The following CDH20 variants were observed in gnomAD, a reference collection of about 807,000 sequenced individuals.
CDH20 encodes cadherin-20.
Under a neutral mutation model 74.2 loss-of-function variants are expected in CDH20, and 29 were observed. The observed-to-expected ratio is 0.39, with a 90% CI of 0.29 to 0.53. The LOEUF (loss-of-function observed/expected upper bound fraction) is 0.53, where lower values mean the gene tolerates loss of function less well. Ranked by LOEUF, CDH20 falls within the 20% of genes least tolerant of loss-of-function variation. CDH20 has a pLI of 0.69. For missense variants in CDH20, 988 were observed against 1,048.3 expected (o/e 0.94, Z 0.79); for synonymous variants, 469 against 405.4 (o/e 1.16, Z -1.88).
intron 7 of CDH20, among the ~76,000 whole-genome samples, chr18:61,533,306 T>C (rs1912712831): frequency 6.6e-6 from 1 of 152,022 alleles, no homozygotes; most frequent in Non-Finnish European, 1.5e-5. Context: ...AGAGAACCCA[T>C]TTCTAAAGAA....
At chr18:61,361,767 T>C (rs1023723067) in intron 1 of CDH20, among the ~76,000 whole-genome samples, 5 of 152,194 alleles carry the variant, frequency 3.3e-5, no homozygotes, top group African/African-American at 1.2e-4. Context: ...ATTTTGTTTT[T>C]CTAGCAAGTC....
intron 1 of CDH20, among the ~76,000 whole-genome samples, chr18:61,461,352 G>T (rs888429853): frequency 2.1e-5 from 3 of 142,540 alleles, no homozygotes; most frequent in Non-Finnish European, 3.1e-5. Flanking sequence ...AAAAAAACCA[G>T]AAATTTATTT....
intron 1 of CDH20, among the ~76,000 whole-genome samples, chr18:61,447,632 T>A (rs1216070815): frequency 6.6e-6 from 1 of 152,206 alleles, no homozygotes; most frequent in African/African-American, 2.4e-5. Flanking sequence ...GATGCAGCAA[T>A]GAAAAGGGTG....
chr18:61,452,141 T>A (rs1186324650), intron 1 of CDH20, among the ~76,000 whole-genome samples: 1 of 152,174 alleles, frequency 6.6e-6, no homozygotes, highest in African/African-American at 2.4e-5. Context: ...TGATATCTCC[T>A]CCTTCCATTC....
intron 1 of CDH20, among the ~76,000 whole-genome samples, chr18:61,471,734 G>A (rs1041580676): frequency 1.3e-5 from 2 of 152,074 alleles, no homozygotes; most frequent in Non-Finnish European, 2.9e-5. Context: ...CCCGTTTGTC[G>A]GAGCATTTAT....
chr18:61,381,974 C>T (rs1210080131), intron 1 of CDH20, among the ~76,000 whole-genome samples: 1 of 152,158 alleles, frequency 6.6e-6, no homozygotes, highest in African/African-American at 2.4e-5. Flanking sequence ...ACTACCCCCC[C>T]CAGTATGGTC....
chr18:61,423,367 GTCTGAGGACTCATGCC>G (rs147380053), intron 1 of CDH20, among the ~76,000 whole-genome samples: 2,475 of 152,246 alleles, frequency 0.016, 41 homozygotes, highest in Non-Finnish European at 0.029. Context: ...CTCTAAGTGT[GTCTGAGGACTCATGCC>G]TTCTTGTAAA....
chr18:61,522,648 T>C (rs1164948746), intron 6 of CDH20, among the ~76,000 whole-genome samples: 3 of 152,206 alleles, frequency 2.0e-5, no homozygotes, highest in African/African-American at 7.2e-5. Flanking sequence ...GGCATCACAG[T>C]ACCTGACTTC....
intron 1 of CDH20, among the ~76,000 whole-genome samples, chr18:61,350,762 C>T (rs1910277764): frequency 6.6e-6 from 1 of 152,188 alleles, no homozygotes; most frequent in Non-Finnish European, 1.5e-5. Flanking sequence ...ATTTGGGCTG[C>T]TTCCATCTGG....
chr18:61,403,599 G>C (rs544052182), intron 1 of CDH20, among the ~76,000 whole-genome samples: 1 of 152,292 alleles, frequency 6.6e-6, no homozygotes, highest in African/African-American at 2.4e-5. Context: ...GAGAAGCACT[G>C]TAGCAAAAAG....
chr18:61,545,410 A>T (rs1436251988), intron 10 of CDH20, among the ~76,000 whole-genome samples: 2 of 151,700 alleles, frequency 1.3e-5, no homozygotes, highest in Non-Finnish European at 2.9e-5. Context: ...GCCCAGCCTC[A>T]CAGTGTCTTT....
chr18:61,372,723 A>G (rs1010149393), intron 1 of CDH20, among the ~76,000 whole-genome samples: 4 of 152,158 alleles, frequency 2.6e-5, no homozygotes, highest in African/African-American at 4.8e-5. Context: ...TTGTTGATTT[A>G]TGGATTGTCT....
intron 6 of CDH20, among the ~76,000 whole-genome samples, chr18:61,511,319 A>G (rs895687097): frequency 6.6e-6 from 1 of 151,660 alleles, no homozygotes; most frequent in Non-Finnish European, 1.5e-5. Flanking sequence ...AGCCATGATC[A>G]TGCCACAGCC....
intron 1 of CDH20, among the ~76,000 whole-genome samples, chr18:61,458,664 T>C (rs1409743326): frequency 6.6e-6 from 1 of 152,188 alleles, no homozygotes. Flanking sequence ...AAGGGCCCTA[T>C]AGGCAGCAAT....
rs1913187625 is a variant in CDH20 at position 61,545,027 on chromosome 18, C to G, written c.1531C>G (p.Leu511Val). 1.2e-6 allele frequency: 2 copies of G among 1,605,422 alleles called. No individual in the cohort carries two copies. The highest frequency in any genetic ancestry group is 1.7e-5 in the Admixed American group (1 of 60,008). The change falls in exon 10 of 12, where the codon CTG becomes GTG. Residue 511 changes from leucine to valine, a missense_variant and splice_region_variant. By Grantham distance (32) the Leu-to-Val change is conservative. Coordinates refer to ENST00000262717, the MANE Select transcript of CDH20 (RefSeq NM_031891.4). ...ACCTGATTTCATGTCCCTCCCTCAGCTGATCCAGACAGTGAGTGCGGTGGA... is the reference window on the plus strand; with the variant it reads ...ACCTGATTTCATGTCCCTCCCTCAGGTGATCCAGACAGTGAGTGCGGTGGA... The part of the protein sequence containing the change: ...FVCENAKAGQ[L>V]IQTVSAVDQD...
chr18:61,412,720 C>T (rs558854522), intron 1 of CDH20, among the ~76,000 whole-genome samples: 1 of 151,974 alleles, frequency 6.6e-6, no homozygotes, highest in African/African-American at 2.4e-5. Context: ...AATAGTTCAT[C>T]TATAATAAAA....
At chr18:61,374,688 T>C (rs1911154973) in intron 1 of CDH20, among the ~76,000 whole-genome samples, 1 of 152,140 alleles carries the variant, frequency 6.6e-6, no homozygotes, top group Admixed American at 6.6e-5. Flanking sequence ...TAGATTCTTA[T>C]GGACTTGAAT....
chr18:61,552,398 CT>C (rs1201273293), intron 11 of CDH20, among the ~76,000 whole-genome samples: 1 of 149,918 alleles, frequency 6.7e-6, no homozygotes, highest in Non-Finnish European at 1.5e-5. Flanking sequence ...ATTAGATTAC[CT>C]TAAAAAAAAA....
chr18:61,421,816 C>T (rs1350556202), intron 1 of CDH20, among the ~76,000 whole-genome samples: 2 of 152,056 alleles, frequency 1.3e-5, no homozygotes, highest in African/African-American at 2.4e-5. Context: ...ATGAGTCTTG[C>T]TTTTCCAGAG....
Sources: allele counts gnomAD v4.1 joint callset (sites outside exome capture counted in the v4.1 genomes callset), GRCh38; gene constraint gnomAD v4.1.1; transcripts MANE v1.5; gene names NCBI Gene and HGNC (gene_info 2026-07-23, HGNC 2026-07-21).